GZF1: variants seen among roughly 807,000 people sequenced by gnomAD.
The protein encoded by GZF1 is GDNF-inducible zinc finger protein 1.
Under a neutral mutation model 49.4 loss-of-function variants are expected in GZF1, and 28 were observed. That is an observed-to-expected ratio of 0.57 (90% confidence interval 0.42 to 0.78). The LOEUF is 0.78. GZF1 is among the 30% of genes least tolerant of loss of function. The probability of loss-of-function intolerance (pLI) is 0.00; values close to 1 mark genes in which losing one functional copy is unlikely to be tolerated. For missense variants in GZF1, 798 were observed against 916.2 expected (o/e 0.87, Z 1.67); for synonymous variants, 364 against 356.0 (o/e 1.02, Z -0.25).
chr20:23,361,398 G>T (rs1980639713), upstream of GZF1, among the ~76,000 whole-genome samples: 1 of 152,258 alleles, frequency 6.6e-6, no homozygotes. Context: ...CGAATCTTAG[G>T]GAATCAATTG....
At chr20:23,370,065 A>G (rs1981900064) in intron 5 of GZF1, 26 bp from the exon 6 acceptor site, 1 of 1,565,496 alleles carries the variant, frequency 6.4e-7, no homozygotes, top group African/African-American at 1.4e-5. Context: ...ACATTCAGTG[A>G]CCTTTGTTTT....
chr20:23,365,100 A>G lies in GZF1; in HGVS notation c.717A>G (p.Lys239=). Residue 239 remains lysine (K), a synonymous_variant, in exon 2 of 6, where the codon AAA becomes AAG. Coordinates refer to ENST00000338121, the MANE Select transcript of GZF1 (RefSeq NM_022482.5). ...RKVFVEIPKK[K]YTRRLREQQK... ...TCTTTGTGGAGATCCCTAAAAAGAA[A>G]TATACGAGAAGACTCCGAGAGCAGC... The G allele has an allele frequency of 1.9e-6, 3 of 1,614,018 alleles. No individual in the cohort carries two copies. The highest frequency in any genetic ancestry group is 2.5e-6 in the Non-Finnish European group (3 of 1,180,054).
Position 23,365,180 on chromosome 20 carries a change from C to T in GZF1, c.797C>T (p.Pro266Leu), listed in dbSNP as rs774160968. ...GDYRCPQDQS[P>L]DRVGTEMEQV... is the part of the protein sequence containing the mutation. The stretch of plus-strand genomic sequence containing the variant: ...TACAGGTGTCCCCAGGACCAAAGCC[C>T]GGACAGGGTGGGCACGGAGATGGAG... Residue 266 changes from proline (P) to leucine (L), a missense_variant, in exon 2 of 6, where the codon CCG becomes CTG. By Grantham distance (98) the Pro-to-Leu change is moderately conservative. This residue lies in a region of GZF1 where 247 missense variants were observed against 228.5 expected (regional missense o/e 1.08). Coordinates refer to ENST00000338121, the MANE Select transcript of GZF1 (RefSeq NM_022482.5). 1.6e-5 allele frequency: 25 copies of T among 1,610,778 alleles called. No homozygotes were observed. Among genetic ancestry groups the T allele is most frequent in the East Asian group, 2.2e-5 (1 of 44,832 alleles).
upstream of GZF1, among the ~76,000 whole-genome samples, chr20:23,361,671 C>T (rs1980674005): frequency 6.6e-6 from 1 of 152,200 alleles, no homozygotes; most frequent in South Asian, 2.1e-4. Context: ...AGGTGAGTAC[C>T]AGCTCCAAGC....
In GZF1 at chr20:23,367,039, A is replaced by ATG; in HGVS notation, c.1404_1405dup (p.Gly469ValfsTer11). On this transcript the variant is annotated frameshift_variant, in exon 3 of 6. Transcript: ENST00000338121. LOFTEE classifies it high-confidence loss of function. ...GGGAAAAACCTTTTGTCTGTGATGAATGTGGTGCAAGATTCACTCAGAACC... is the reference window on the plus strand; with the variant it reads ...GGGAAAAACCTTTTGTCTGTGATGAATGTGTGGTGCAAGATTCACTCAGAACC... 6.2e-7 allele frequency: 1 copy of ATG among 1,613,334 alleles called. No homozygotes were observed. The highest frequency in any genetic ancestry group is 8.5e-7 in the Non-Finnish European group (1 of 1,179,620).
Position 23,365,728 on chromosome 20 carries a change from G to A in GZF1, c.1345G>A (p.Ala449Thr), listed in dbSNP as rs780925612. 1 of 1,546,202 alleles carries A rather than the reference G, an allele frequency of 6.5e-7. No individual in the cohort carries two copies. Among genetic ancestry groups the A allele is most frequent in the Non-Finnish European group, 8.7e-7 (1 of 1,151,298 alleles). ...ECGARFSQPS[A>T]LKTHMRIHTG... Reference sequence around the variant, plus strand: ...CGGCGCCAGGTTCTCGCAGCCGTCCGCGCTCAAGACGCACATGAGGTACGC... The same window carrying A: ...CGGCGCCAGGTTCTCGCAGCCGTCCACGCTCAAGACGCACATGAGGTACGC... The change falls in exon 2 of 6, where the codon GCG becomes ACG. Residue 449 changes from alanine (A) to threonine (T), a missense_variant. Physicochemically the swap from Ala to Thr is moderately conservative, Grantham distance 58. Coordinates refer to ENST00000338121, the MANE Select transcript of GZF1 (RefSeq NM_022482.5).
In GZF1 at chr20:23,370,418, C is replaced by G; in HGVS notation, c.2113C>G (p.His705Asp). Residue 705 changes from histidine to aspartate, a missense_variant, in exon 6 of 6, where the codon CAC (histidine) becomes GAC (aspartate). Physicochemically the swap from His to Asp is moderately conservative, Grantham distance 81 (BLOSUM62 -1). Around this residue, in one of 3 missense-constraint regions of GZF1, gnomAD observed 446 missense variants for 540.1 expected, o/e 0.83. Coordinates refer to ENST00000338121, the MANE Select transcript of GZF1 (RefSeq NM_022482.5). ...GACAGACTCGATGCCCACACAGCTT[C>G]ACTCTTTGAGCAACATGGAATAAGA... ...PQTDSMPTQL[H>D]SLSNME is the part of the protein sequence containing the mutation. The G allele has an allele frequency of 6.2e-7, 1 of 1,612,348 alleles. No individual in the cohort carries two copies. Among genetic ancestry groups the G allele is most frequent in the Non-Finnish European group, 8.5e-7 (1 of 1,178,428 alleles).
chr20:23,364,483 ACAGT>A lies in GZF1; in HGVS notation c.104_107del (p.Val35AlafsTer44), dbSNP rs1417774862. 3 of 1,614,238 alleles carry A rather than the reference ACAGT, an allele frequency of 1.9e-6. No homozygotes were observed. The highest frequency in any genetic ancestry group is 2.2e-5 in the South Asian group (2 of 91,086). On this transcript the variant is annotated frameshift_variant, in exon 2 of 6. Coordinates refer to ENST00000338121, the MANE Select transcript of GZF1 (RefSeq NM_022482.5). LOFTEE classifies it high-confidence loss of function. Reference sequence around the variant, plus strand: ...CCTCCTGGGTCACCTGTGTGACGTGACAGTCAGCGTGGAGTATCAGGGTGTCCGC... The same window carrying A: ...CCTCCTGGGTCACCTGTGTGACGTGACAGCGTGGAGTATCAGGGTGTCCGC...
intron 3 of GZF1, 133 bp downstream of exon 3, chr20:23,367,230 T>C: frequency 1.6e-6 from 1 of 640,700 alleles, no homozygotes. Context: ...ATCTAGTAAG[T>C]GAGCAAAATG....
At position 23,372,086 on chromosome 20, in the gene GZF1, C is replaced by T. The variant is rs926784004; in HGVS notation, c.*1645C>T. 3 of 152,558 alleles carry T rather than the reference C, an allele frequency of 2.0e-5. No homozygotes were observed. Among genetic ancestry groups the T allele is most frequent in the East Asian group, 1.9e-4 (1 of 5,198 alleles). The allele number at this position is 152,558 out of a possible 1,614,324, so 9.5% of individuals were successfully genotyped here. A position where few individuals can be genotyped will look rare whatever the true frequency, so the allele number is the denominator to read the frequency against. ...TGACTGTCATACATCCAGAGGAGAC[C>T]GAACCTGCCCAGCTGATGTACTGTT... On this transcript the variant is annotated 3_prime_UTR_variant, in exon 6 of 6. Transcript: ENST00000338121.
intron 3 of GZF1, among the ~76,000 whole-genome samples, chr20:23,367,380 T>C (rs1981524548): frequency 6.6e-6 from 1 of 152,208 alleles, no homozygotes; most frequent in South Asian, 2.1e-4. Flanking sequence ...TTTTTTTTTC[T>C]AAGACTCTGT....
At chr20:23,362,610 G>A (rs1980808185) in intron 1 of GZF1, 1 of 152,290 alleles carries the variant, frequency 6.6e-6, no homozygotes, top group Admixed American at 6.5e-5. Context: ...GGACTGGGCT[G>A]CGGGTAGCAG....
Position 23,370,348 on chromosome 20 carries a change from C to T in GZF1, c.2043C>T (p.Thr681=). 2 of 1,613,672 alleles carry T rather than the reference C, an allele frequency of 1.2e-6. No individual in the cohort carries two copies. The highest frequency in any genetic ancestry group is 1.7e-6 in the Non-Finnish European group (2 of 1,179,614). ...ATGACTCCGTGGTGTCCCAGGACAC[C>T]CTCCTGGCCACCACCATCAGTGAGC... ...KADDSVVSQD[T]LLATTISELS... is the part of the protein sequence containing the mutation. The change falls in exon 6 of 6, where the codon ACC becomes ACT. Residue 681 remains threonine, a synonymous_variant. Coordinates refer to ENST00000338121, the MANE Select transcript of GZF1 (RefSeq NM_022482.5).
Position 23,365,682 on chromosome 20 carries a change from G to C in GZF1, c.1299G>C (p.Arg433=). The change falls in exon 2 of 6, where the codon CGG becomes CGC. Residue 433 remains arginine, a synonymous_variant. Coordinates refer to ENST00000338121, the MANE Select transcript of GZF1 (RefSeq NM_022482.5). ...ACGAGCGCACACACACGGGAGACCGGCCCTACGGCTGCACCGAGTGCGGCG... is the reference window on the plus strand; with the variant it reads ...ACGAGCGCACACACACGGGAGACCGCCCCTACGGCTGCACCGAGTGCGGCG... The part of the protein sequence containing the change: ...RLHERTHTGD[R]PYGCTECGAR... 1 of 1,590,938 alleles carries C rather than the reference G, an allele frequency of 6.3e-7. No individual in the cohort carries two copies.
rs1981938601 is a variant in GZF1, at chr20:23,370,272, CTG to C, written c.1969_1970del (p.Val657ThrfsTer10). The C allele has an allele frequency of 2.5e-6, 4 of 1,614,112 alleles. No homozygotes were observed. The highest frequency in any genetic ancestry group is 2.5e-6 in the Non-Finnish European group (3 of 1,180,036). On this transcript the variant is annotated frameshift_variant, in exon 6 of 6. Coordinates refer to ENST00000338121, the MANE Select transcript of GZF1 (RefSeq NM_022482.5). LOFTEE classifies it low-confidence loss of function (END_TRUNC). ...CACAACCTGGCTGCAGTCCAAGACA[CTG>C]TACCTACCATGCAGGAGAACAGTTC... is the stretch of plus-strand genomic sequence containing the variant.
At chr20:23,361,697 G>T (rs530502214), upstream of GZF1, among the ~76,000 whole-genome samples, 11 of 152,312 alleles carry the variant, frequency 7.2e-5, no homozygotes, top group Middle Eastern at 3.4e-3. Flanking sequence ...TTTCCGCGAG[G>T]TCCCTCGCGT....
intron 4 of GZF1, 77 bp downstream of exon 4, chr20:23,369,006 A>T (rs750196455): frequency 1.5e-6 from 2 of 1,302,998 alleles, no homozygotes; most frequent in Non-Finnish European, 2.1e-6. Flanking sequence ...ATTTACCAGT[A>T]AATTACTTGG....
At chr20:23,362,705 G>A (rs1433319809) in intron 1 of GZF1, 1 of 152,230 alleles carries the variant, frequency 6.6e-6, no homozygotes, top group Non-Finnish European at 1.5e-5. Context: ...GCACTGGGAG[G>A]CGGCCGGAAT....
At position 23,372,621 on chromosome 20, in the gene GZF1, G is replaced by C. The variant is rs1007558844; in HGVS notation, c.*2180G>C. The C allele has an allele frequency of 2.6e-5, 4 of 152,220 alleles. No individual in the cohort carries two copies. The highest frequency in any genetic ancestry group is 4.8e-5 in the African/African-American group (2 of 41,446). The allele number at this position is 152,220 out of a possible 1,614,324, so 9.4% of individuals were successfully genotyped here. Reference sequence around the variant, plus strand: ...AACAGAGAAACGTAACCCTGTAGGGGACTGGTTACAGAGGACCTCCTGGAG... The same window carrying C: ...AACAGAGAAACGTAACCCTGTAGGGCACTGGTTACAGAGGACCTCCTGGAG... On this transcript the variant is annotated 3_prime_UTR_variant, in exon 6 of 6. Coordinates refer to ENST00000338121, the MANE Select transcript of GZF1 (RefSeq NM_022482.5).
Sources: gnomAD v4.1 joint callset for allele counts (sites outside exome capture counted in the v4.1 genomes callset) on GRCh38, gnomAD v4.1.1 for gene constraint, gnomAD v4.1.1 regional missense constraint, MANE v1.5 for transcripts, NCBI Gene and HGNC (gene_info 2026-07-23, HGNC 2026-07-21) for gene names.